ATP2C1: variants seen among roughly 807,000 people sequenced by gnomAD.
ATP2C1 encodes the protein calcium-transporting ATPase type 2C member 1.
In ATP2C1, 31 loss-of-function variants were observed where a neutral mutation model predicts 120.5. That is an observed-to-expected ratio of 0.26 (90% CI 0.19 to 0.35). ATP2C1 has a LOEUF of 0.35. Among genes scored for constraint, ATP2C1 ranks in the 10% least tolerant of loss-of-function variants. The pLI is 1.00. For missense variants in ATP2C1, 731 were observed against 1,107.5 expected (o/e 0.66, Z 4.83); for synonymous variants, 351 against 358.7 (o/e 0.98, Z 0.24).
intron 26 of ATP2C1, among the ~76,000 whole-genome samples, chr3:131,009,810 C>T (rs1445323340): frequency 6.6e-6 from 1 of 152,166 alleles, no homozygotes; most frequent in Non-Finnish European, 1.5e-5. Flanking sequence ...GTACAAGATG[C>T]AGAATCACTT....
At chr3:130,956,332 A>G (rs1377919997) in intron 11 of ATP2C1, among the ~76,000 whole-genome samples, 153 bp downstream of exon 11, 1 of 152,028 alleles carries the variant, frequency 6.6e-6, no homozygotes, top group Admixed American at 6.6e-5. Context: ...GCCATTGTTC[A>G]TTTCAACAAA....
intron 2 of ATP2C1, among the ~76,000 whole-genome samples, chr3:130,908,607 C>T (rs1576664789): frequency 6.6e-6 from 1 of 152,060 alleles, no homozygotes; most frequent in South Asian, 2.1e-4. Flanking sequence ...CATTACTTGA[C>T]TTTTTTTAAA....
intron 17 of ATP2C1, among the ~76,000 whole-genome samples, 192 bp from the exon 18 acceptor site, chr3:130,975,140 G>A (rs1286866790): frequency 6.6e-6 from 1 of 152,066 alleles, no homozygotes; most frequent in Non-Finnish European, 1.5e-5. Context: ...TGGGATAGAT[G>A]TTTTCTATAG....
At chr3:130,890,278 T>C (rs2069126925), upstream of ATP2C1, among the ~76,000 whole-genome samples, 1 of 152,194 alleles carries the variant, frequency 6.6e-6, no homozygotes, top group South Asian at 2.1e-4. Context: ...ATGAAGTTCA[T>C]TGGTCATGGT....
intron 1 of ATP2C1, among the ~76,000 whole-genome samples, chr3:130,878,442 A>G (rs2107803908): frequency 6.6e-6 from 1 of 152,096 alleles, no homozygotes; most frequent in South Asian, 2.1e-4. Context: ...GATAATGTTT[A>G]GTTCCTTTTT....
At position 130,994,040 on chromosome 3, in the gene ATP2C1, G is replaced by A. The variant is rs2062481596; in HGVS notation, c.1999G>A (p.Asp667Asn). 6.2e-7 allele frequency: 1 copy of A among 1,614,160 alleles called. No homozygotes were observed. The highest frequency in any genetic ancestry group is 8.5e-7 in the Non-Finnish European group (1 of 1,180,010). ...IGVAMGQTGTDVCKEAADMIL... is the reference protein window; with the variant it reads ...IGVAMGQTGTNVCKEAADMIL... ...AGTTGCGATGGGCCAGACTGGTACA[G>A]ATGTTTGCAAAGAGGCAGCAGACAT... The change falls in exon 22 of 28, where the codon GAT (aspartate) becomes AAT (asparagine). Residue 667 changes from aspartate to asparagine, a missense_variant. Asp to Asn is a conservative substitution (Grantham distance 23). Transcript: ENST00000510168.
At chr3:130,881,248 C>T (rs1480993686) in intron 1 of ATP2C1, among the ~76,000 whole-genome samples, 4 of 152,180 alleles carry the variant, frequency 2.6e-5, no homozygotes, top group African/African-American at 9.7e-5. Context: ...ACAACCAACC[C>T]GTCAGCAAAG....
rs575574248 is a variant in ATP2C1 at position 130,874,964 on chromosome 3, G to C, written c.108+24036G>C. Among the ~76,000 whole-genome samples the C allele has an allele frequency of 8.5e-5, 13 of 152,216 alleles. No homozygotes were observed. The South Asian group carries it at 2.7e-3, about 32-fold the overall frequency. On this transcript the variant is annotated intron_variant, in intron 1 of 26. Coordinates refer to the ATP2C1 transcript ENST00000504381. ...AATATTAACTTAGACTAATGATCTT[G>C]GAAACGAATGGATTTTTTCTTTTCT...
At chr3:131,015,259 G>C in intron 26 of ATP2C1, 1 of 700,116 alleles carries the variant, frequency 1.4e-6, no homozygotes, top group Non-Finnish European at 2.6e-6. Flanking sequence ...CACTGGGGCT[G>C]CAACAGCAAA....
intron 2 of ATP2C1, among the ~76,000 whole-genome samples, chr3:130,911,129 T>G (rs1478109192): frequency 3.3e-5 from 5 of 149,428 alleles, no homozygotes; most frequent in Non-Finnish European, 6.0e-5. Context: ...TTTCAGCTCC[T>G]GTTATTGGTC....
At chr3:130,918,580 A>G (rs2108221471) in intron 2 of ATP2C1, 1 of 727,308 alleles carries the variant, frequency 1.4e-6, no homozygotes, top group Non-Finnish European at 2.6e-6. Flanking sequence ...CGCCCTGGCC[A>G]TAAACTGTAG....
At chr3:130,959,227 A>T in intron 11 of ATP2C1, 48 bp from the exon 12 acceptor site, 1 of 1,378,210 alleles carries the variant, frequency 7.3e-7, no homozygotes, top group Non-Finnish European at 1.0e-6. Flanking sequence ...TGTTCCTTCT[A>T]GGTGATTGTA....
chr3:131,003,288 G>A (rs1026223992), downstream of ATP2C1: 3 of 502,562 alleles, frequency 6.0e-6, no homozygotes, highest in Non-Finnish European at 7.7e-6. Context: ...TGAATGTACA[G>A]TACAGATCCA....
chr3:130,964,615 A>G (rs1029920225), intron 13 of ATP2C1, among the ~76,000 whole-genome samples: 13 of 152,088 alleles, frequency 8.5e-5, no homozygotes, highest in Non-Finnish European at 1.8e-4. Flanking sequence ...CTGATTGAAG[A>G]AATTATACGG....
At chr3:130,875,794 C>T (rs2068581494) in intron 1 of ATP2C1, among the ~76,000 whole-genome samples, 6 of 151,564 alleles carry the variant, frequency 4.0e-5, no homozygotes, top group Admixed American at 3.9e-4. Flanking sequence ...TAGTTTTTGT[C>T]TTTTTGACAA....
intron 2 of ATP2C1, among the ~76,000 whole-genome samples, chr3:130,927,593 G>A (rs886236529): frequency 2.0e-5 from 3 of 152,276 alleles, no homozygotes; most frequent in Non-Finnish European, 1.5e-5. Flanking sequence ...GAAAGATGAA[G>A]GATTGAGAAA....
Position 130,980,587 on chromosome 3 carries a change from C to A in ATP2C1, c.1747C>A (p.Arg583Ser). The part of the protein sequence containing the change: ...SQETAVAIAS[R>S]LGLYSKTSQS... ...TTCTCTCTCATTTGCTTTAGCCAGT[C>A]GTCTGGGATTGTATTCCAAAACTTC... is the stretch of plus-strand genomic sequence containing the variant. The change falls in exon 20 of 28, where the codon CGT becomes AGT. Residue 583 changes from arginine (R) to serine (S), a missense_variant. Physicochemically the swap from Arg to Ser is moderately radical, Grantham distance 110. Coordinates refer to ENST00000510168, the MANE Select transcript of ATP2C1 (RefSeq NM_001378687.1). 2 of 1,611,962 alleles carry A rather than the reference C, an allele frequency of 1.2e-6. No homozygotes were observed. The highest frequency in any genetic ancestry group is 2.2e-5 in the South Asian group (2 of 91,000).
intron 8 of ATP2C1, among the ~76,000 whole-genome samples, chr3:130,944,488 C>T (rs951118193): frequency 2.6e-5 from 4 of 152,098 alleles, no homozygotes; most frequent in Admixed American, 6.6e-5. Flanking sequence ...CCTCACATGG[C>T]GGAGACAGCA....
chr3:130,944,998 C>T (rs914121662), intron 8 of ATP2C1, among the ~76,000 whole-genome samples: 19 of 152,128 alleles, frequency 1.2e-4, no homozygotes, highest in African/African-American at 3.1e-4. Flanking sequence ...TTTAAAAGTT[C>T]GTATTTTTTT....
Sources: allele counts gnomAD v4.1 joint callset (sites outside exome capture counted in the v4.1 genomes callset), GRCh38; gene constraint gnomAD v4.1.1; transcripts MANE v1.5; gene names NCBI Gene and HGNC (gene_info 2026-07-23, HGNC 2026-07-21).